Variants in ATM observed in about 807,000 individuals in gnomAD.
ATM encodes the protein ATM serine/threonine kinase, also known as serine-protein kinase ATM.
A neutral mutation model predicts 387.0 loss-of-function variants in ATM; 308 were observed. That is an observed-to-expected ratio of 0.80 (90% CI 0.73 to 0.87). The LOEUF (loss-of-function observed/expected upper bound fraction) is 0.87. Ranked by LOEUF, ATM falls within the 40% of genes least tolerant of loss-of-function variation. The pLI is 0.00. For synonymous variants in ATM, 1,156 were observed against 1,187.3 expected, an observed-to-expected ratio of 0.97 and a Z score of 0.54; for missense variants, 3,312 against 3,560.9, an observed-to-expected ratio of 0.93 and a Z score of 1.78.
At chr11:108,245,598 A>T (rs763968799) in intron 7 of ATM, among the ~76,000 whole-genome samples, 1 of 151,954 alleles carries the variant, frequency 6.6e-6, no homozygotes, top group Non-Finnish European at 1.5e-5. Flanking sequence ...ATTCCTTCAT[A>T]TATGTCCTAT....
intron 61 of ATM, among the ~76,000 whole-genome samples, chr11:108,358,935 C>A (rs921467171): frequency 6.2e-4 from 94 of 151,464 alleles, no homozygotes; most frequent in Non-Finnish European, 1.0e-3. Flanking sequence ...GATCAAACTC[C>A]CACATAACAA....
In ATM at chr11:108,365,699, C is replaced by G; in HGVS notation, c.*191C>G. The G allele has an allele frequency of 2.8e-6, 2 of 715,588 alleles. No individual in the cohort carries two copies. Among genetic ancestry groups the G allele is most frequent in the Admixed American group, 5.7e-5 (2 of 35,114 alleles). 44.3% of individuals were successfully genotyped at this position (715,588 alleles called of 1,614,324 possible). The stretch of plus-strand genomic sequence containing the variant: ...GTTTTGATGGTCTTAAGGAACATCT[C>G]TGCTTTCACTCTTTAGAAATAATGG... On this transcript the variant is annotated 3_prime_UTR_variant, in exon 63 of 63. Coordinates refer to ENST00000675843, the MANE Select transcript of ATM (RefSeq NM_000051.4).
intron 60 of ATM, 43 bp downstream of exon 60, chr11:108,353,923 A>G: frequency 6.5e-7 from 1 of 1,540,278 alleles, no homozygotes; most frequent in Non-Finnish European, 9.0e-7. Flanking sequence ...TTTTGATGTC[A>G]AAATTACATG....
Position 108,257,613 on chromosome 11 carries a change from T to C in ATM, c.2376+7T>C. 6 of 1,612,804 alleles carry C rather than the reference T, an allele frequency of 3.7e-6. No individual in the cohort carries two copies. The highest frequency in any genetic ancestry group is 5.1e-6 in the Non-Finnish European group (6 of 1,179,778). On this transcript the variant is annotated splice_region_variant and intron_variant, in intron 15 of 62. Transcript: ENST00000675843. ...CTTGAGCAACTGTACCAAGGTAAGA[T>C]TTTCTTCTTCTTGTTTTGTTTTTTG...
intron 31 of ATM, among the ~76,000 whole-genome samples, chr11:108,294,060 T>G (rs966294088): frequency 6.6e-6 from 1 of 151,616 alleles, no homozygotes; most frequent in Non-Finnish European, 1.5e-5. Context: ...AGATCCAAAT[T>G]GTAAGTTTTC....
intron 16 of ATM, among the ~76,000 whole-genome samples, chr11:108,262,019 A>G (rs2080922771): frequency 6.6e-6 from 1 of 152,168 alleles, no homozygotes; most frequent in African/African-American, 2.4e-5. Context: ...GGTGCACCTG[A>G]AAGTAACGGG....
At chr11:108,296,353 T>C (rs1051570429) in intron 32 of ATM, among the ~76,000 whole-genome samples, 1 of 151,940 alleles carries the variant, frequency 6.6e-6, no homozygotes, top group Non-Finnish European at 1.5e-5. Flanking sequence ...TGGGTTCAAG[T>C]GATTCTCCTG....
At chr11:108,339,767 TAGAG>T (rs2087298685) in intron 56 of ATM, among the ~76,000 whole-genome samples, 1 of 152,030 alleles carries the variant, frequency 6.6e-6, no homozygotes, top group African/African-American at 2.4e-5. Flanking sequence ...TAGATATTGA[TAGAG>T]AGTAATCAAT....
chr11:108,315,624 T>C (rs1056428112), intron 40 of ATM, among the ~76,000 whole-genome samples, 199 bp from the exon 41 acceptor site: 1 of 152,176 alleles, frequency 6.6e-6, no homozygotes, highest in Non-Finnish European at 1.5e-5. Flanking sequence ...AATCCACATA[T>C]AAGTTGTCCT....
chr11:108,334,904 G>T, intron 54 of ATM, 65 bp from the exon 55 acceptor site: 1 of 1,529,410 alleles, frequency 6.5e-7, no homozygotes, highest in South Asian at 1.1e-5. Flanking sequence ...CATTTATAAT[G>T]TATTTTTCTT....
intron 51 of ATM, 59 bp downstream of exon 51, chr11:108,331,616 T>G: frequency 7.0e-7 from 1 of 1,422,982 alleles, no homozygotes; most frequent in Non-Finnish European, 9.3e-7. Context: ...TTACTATATA[T>G]TATATAAAGT....
chr11:108,348,256 G>T (rs957394373), intron 59 of ATM, among the ~76,000 whole-genome samples: 2 of 147,234 alleles, frequency 1.4e-5, no homozygotes, highest in Admixed American at 6.8e-5. Context: ...AAAAGAAAGA[G>T]AATATATATA....
At chr11:108,346,196 C>T (rs1358176845) in intron 58 of ATM, among the ~76,000 whole-genome samples, 1 of 151,994 alleles carries the variant, frequency 6.6e-6, no homozygotes, top group Non-Finnish European at 1.5e-5. Context: ...ATTTTCTCTC[C>T]TCTCAATATA....
At chr11:108,267,136 G>C (rs1565415716) in intron 16 of ATM, 35 bp from the exon 17 acceptor site, 1 of 1,608,988 alleles carries the variant, frequency 6.2e-7, no homozygotes, top group Non-Finnish European at 8.5e-7. Flanking sequence ...CCTGCAAGAA[G>C]CCATCTTGAA....
In ATM at chr11:108,284,231, T is replaced by C. The variant is rs763730862; in HGVS notation, c.3751T>C (p.Cys1251Arg). The part of the protein sequence containing the change: ...YTNIEDFYRS[C>R]YKVLIPHLVI... ...TTTAAATTTTTCTATTTTTAGATCT[T>C]GTTATAAGGTTTTGATTCCACATCT... The change falls in exon 26 of 63, where the codon TGT (cysteine) becomes CGT (arginine). Residue 1251 changes from cysteine to arginine, a missense_variant. This residue lies in a region of ATM where 1,791 missense variants were observed against 1,804.5 expected (regional missense o/e 0.99). Coordinates refer to ENST00000675843, the MANE Select transcript of ATM (RefSeq NM_000051.4). The C allele has an allele frequency of 6.2e-7, 1 of 1,605,922 alleles. No homozygotes were observed. The highest frequency in any genetic ancestry group is 1.1e-5 in the South Asian group (1 of 90,222).
At chr11:108,325,606 C>T in intron 46 of ATM, 62 bp downstream of exon 46, 1 of 1,367,980 alleles carries the variant, frequency 7.3e-7, no homozygotes, top group Non-Finnish European at 1.0e-6. Flanking sequence ...ATTTAAAAAA[C>T]AGAAAGCCTG....
chr11:108,227,666 AC>A lies in ATM; in HGVS notation c.43del (p.Leu15Ter), dbSNP rs771887195. ...ATGATCTGCTTATCTGCTGCCGTCA[AC>A]TAGAACATGATAGAGCTACAGAACG... ...LNDLLICCRQ[L>X]EHDRATERKK... On this transcript the variant is annotated frameshift_variant, in exon 2 of 63. Transcript: ENST00000675843. LOFTEE classifies it high-confidence loss of function. 3 of 1,613,876 alleles carry A rather than the reference AC, an allele frequency of 1.9e-6. No individual in the cohort carries two copies. In the Admixed American group the frequency reaches 5.0e-5, roughly 27 times the overall value.
At position 108,268,574 on chromosome 11, in the gene ATM, A is replaced by G. The variant is rs35813135; in HGVS notation, c.2803A>G (p.Thr935Ala). 3 of 1,614,060 alleles carry G rather than the reference A, an allele frequency of 1.9e-6. No individual in the cohort carries two copies. The highest frequency in any genetic ancestry group is 4.5e-5 in the East Asian group (2 of 44,838). ...ATTGTTAATGTTAATTGATTCTAGC[A>G]CGCTAGAACCTACCAAATCCCTCCA... Reference protein sequence around the residue: ...RKLLMLIDSSTLEPTKSLHLH... With the variant: ...RKLLMLIDSSALEPTKSLHLH... Residue 935 changes from threonine to alanine, a missense_variant, in exon 18 of 63, where the codon ACG becomes GCG. This residue lies in a region of ATM where 1,791 missense variants were observed against 1,804.5 expected (regional missense o/e 0.99). Transcript: ENST00000675843.
At chr11:108,358,819 C>T (rs1162575161) in intron 61 of ATM, among the ~76,000 whole-genome samples, 15 of 149,480 alleles carry the variant, frequency 1.0e-4, no homozygotes, top group African/African-American at 2.4e-4. Flanking sequence ...AAGGAACAAC[C>T]GGTACCAGCC....
Sources: gnomAD v4.1 joint callset for allele counts (sites outside exome capture counted in the v4.1 genomes callset) on GRCh38, gnomAD v4.1.1 for gene constraint, gnomAD v4.1.1 regional missense constraint, MANE v1.5 for transcripts, NCBI Gene and HGNC (gene_info 2026-07-23, HGNC 2026-07-21) for gene names.